PIK3C2G: variants seen among roughly 807,000 people sequenced by gnomAD.
PIK3C2G encodes phosphatidylinositol-4-phosphate 3-kinase catalytic subunit type 2 gamma.
A neutral mutation model predicts 181.1 loss-of-function variants in PIK3C2G; 168 were observed. The observed-to-expected ratio is 0.93, with a 90% CI of 0.82 to 1.05. PIK3C2G has a LOEUF of 1.05. PIK3C2G is among the 50% of genes least tolerant of loss of function. PIK3C2G has a pLI of 0.00. For synonymous variants in PIK3C2G, 573 were observed against 592.2 expected (o/e 0.97, Z 0.47); for missense variants, 1,869 against 1,732.8 (o/e 1.08, Z -1.40).
At chr12:18,327,301 T>A (rs1043568791) in intron 8 of PIK3C2G, among the ~76,000 whole-genome samples, 2 of 152,128 alleles carry the variant, frequency 1.3e-5, no homozygotes, top group Admixed American at 1.3e-4. Context: ...CGCTTTCTAT[T>A]CATTTGACAA....
chr12:18,497,725 G>A lies in PIK3C2G; in HGVS notation c.2993G>A (p.Cys998Tyr), dbSNP rs1941130500. 1 of 1,612,212 alleles carries A rather than the reference G, an allele frequency of 6.2e-7. No homozygotes were observed. Among genetic ancestry groups the A allele is most frequent in the Admixed American group, 1.7e-5 (1 of 59,900 alleles). The change falls in exon 22 of 33, where the codon TGT (cysteine) becomes TAT (tyrosine). Residue 998 changes from cysteine (C) to tyrosine (Y), a missense_variant. Cys to Tyr is a radical substitution (Grantham distance 194). Coordinates refer to ENST00000538779, the MANE Select transcript of PIK3C2G (RefSeq NM_001288772.2). ...GLDMQMIIYR[C>Y]LSTGKDQGLV... is the part of the protein sequence containing the mutation. The stretch of plus-strand genomic sequence containing the variant: ...GATATGCAAATGATCATTTATAGAT[G>A]TCTATCCACAGGAAAAGACCAAGGT...
At chr12:18,390,286 A>G (rs1565667853) in intron 14 of PIK3C2G, among the ~76,000 whole-genome samples, 1 of 152,120 alleles carries the variant, frequency 6.6e-6, no homozygotes, top group Non-Finnish European at 1.5e-5. Flanking sequence ...ATTTTTTCTG[A>G]GATTCCAACC....
At chr12:18,576,979 C>T (rs962306231) in intron 29 of PIK3C2G, among the ~76,000 whole-genome samples, 1 of 152,098 alleles carries the variant, frequency 6.6e-6, no homozygotes, top group Non-Finnish European at 1.5e-5. Flanking sequence ...GGAGACAATA[C>T]CTGTGCAACA....
At chr12:18,523,911 G>A (rs1235441805) in intron 24 of PIK3C2G, among the ~76,000 whole-genome samples, 1 of 152,212 alleles carries the variant, frequency 6.6e-6, no homozygotes, top group Non-Finnish European at 1.5e-5. Context: ...CATCTGGGCT[G>A]TGTGGGGAAG....
intron 18 of PIK3C2G, among the ~76,000 whole-genome samples, chr12:18,441,773 A>C (rs1007397632): frequency 2.6e-5 from 4 of 152,178 alleles, no homozygotes; most frequent in Non-Finnish European, 5.9e-5. Context: ...ACAAACCAGC[A>C]AAGCAGATGA....
At position 18,571,691 on chromosome 12, in the gene PIK3C2G, G is replaced by T. The variant is rs1318214200; in HGVS notation, c.4011+4634G>T. ...GCCAGCTTTATTTTGGCTAGTGTCT[G>T]CATGATACAACTTTTTCCATTGCTT... is the stretch of plus-strand genomic sequence containing the variant. On this transcript the variant is annotated intron_variant, in intron 29 of 32. Transcript: ENST00000538779. Among the ~76,000 whole-genome samples, 49 of 150,708 alleles carry T rather than the reference G, an allele frequency of 3.3e-4. 2 individuals carry two copies. The highest frequency in any genetic ancestry group is 7.4e-5 in the African/African-American group (3 of 40,350).
At chr12:18,353,672 G>A (rs1940443014) in intron 11 of PIK3C2G, among the ~76,000 whole-genome samples, 1 of 152,138 alleles carries the variant, frequency 6.6e-6, no homozygotes. Context: ...CTCTAAAGTA[G>A]TATCTGTTCC....
At chr12:18,647,080 A>AT (rs34732760) in intron 32 of PIK3C2G, among the ~76,000 whole-genome samples, 17,732 of 151,110 alleles carry the variant, frequency 0.12, 1,334 homozygotes, top group African/African-American at 0.21. Context: ...CCTTTTTGGT[A>AT]TTTTTTTTTG....
At chr12:18,284,793 A>C (rs1156276374) in intron 2 of PIK3C2G, among the ~76,000 whole-genome samples, 1 of 152,150 alleles carries the variant, frequency 6.6e-6, no homozygotes, top group Non-Finnish European at 1.5e-5. Flanking sequence ...AAAAAATAAT[A>C]ATTTGAAAGC....
rs184796297 is a variant in PIK3C2G at position 18,547,316 on chromosome 12, G to A, written c.3590+884G>A. 2.4e-3 allele frequency among the ~76,000 whole-genome samples: 361 copies of A among 152,040 alleles called. 1 individual carries two copies. The highest frequency in any genetic ancestry group is 8.0e-3 in the African/African-American group (331 of 41,508). On this transcript the variant is annotated intron_variant, in intron 26 of 32. Coordinates refer to ENST00000538779, the MANE Select transcript of PIK3C2G (RefSeq NM_001288772.2). ...CTTCCCACTCCAATGGTGGCAGTGC[G>A]GCTTCATGGGGATGTCGTACACACT... is the stretch of plus-strand genomic sequence containing the variant.
At chr12:18,269,666 T>A (rs1286970744) in intron 1 of PIK3C2G, among the ~76,000 whole-genome samples, 1 of 152,210 alleles carries the variant, frequency 6.6e-6, no homozygotes, top group Admixed American at 6.5e-5. Context: ...ACAAGGGTAA[T>A]CTTTTGCATG....
intron 1 of PIK3C2G, among the ~76,000 whole-genome samples, chr12:18,250,811 TA>T (rs1948088578): frequency 6.6e-6 from 1 of 152,050 alleles, no homozygotes; most frequent in Admixed American, 6.5e-5. Context: ...ACTTCTGCTT[TA>T]ACATTTAATA....
At chr12:18,503,460 AG>A in intron 23 of PIK3C2G, 43 bp downstream of exon 23, 2 of 1,409,134 alleles carry the variant, frequency 1.4e-6, no homozygotes, top group Non-Finnish European at 9.6e-7. Flanking sequence ...TACTTAAATA[AG>A]AATATGCTCT....
chr12:18,517,914 C>G (rs1316923512), intron 24 of PIK3C2G, among the ~76,000 whole-genome samples: 2 of 152,082 alleles, frequency 1.3e-5, no homozygotes, highest in African/African-American at 4.8e-5. Context: ...CCATCAATAC[C>G]AAGTTTACTG....
the PIK3C2G span, among the ~76,000 whole-genome samples, chr12:18,694,720 G>A: frequency 2.6e-5 from 4 of 152,106 alleles, no homozygotes; most frequent in Non-Finnish European, 5.9e-5. Flanking sequence ...AATCATTCAT[G>A]TAAAATTACA....
intron 30 of PIK3C2G, among the ~76,000 whole-genome samples, chr12:18,605,317 C>A (rs897039424): frequency 6.6e-6 from 1 of 152,004 alleles, no homozygotes; most frequent in African/African-American, 2.4e-5. Flanking sequence ...AAAATACAAC[C>A]CTTGTAGCTT....
intron 24 of PIK3C2G, among the ~76,000 whole-genome samples, chr12:18,508,182 A>G (rs1484562964): frequency 6.6e-6 from 1 of 152,152 alleles, no homozygotes; most frequent in East Asian, 1.9e-4. Context: ...CATGAGCCAT[A>G]TGGATTATTG....
chr12:18,469,040 C>A (rs1012538166), intron 18 of PIK3C2G, among the ~76,000 whole-genome samples: 1 of 152,100 alleles, frequency 6.6e-6, no homozygotes, highest in Admixed American at 6.6e-5. Context: ...ATCTTTGCAG[C>A]AAAAGGGTCT....
At chr12:18,330,407 A>C (rs375447512) in intron 8 of PIK3C2G, among the ~76,000 whole-genome samples, 2 of 152,158 alleles carry the variant, frequency 1.3e-5, no homozygotes, top group Non-Finnish European at 2.9e-5. Context: ...ATGGAATCTC[A>C]TATACAATAT....
Sources: allele counts gnomAD v4.1 joint callset (sites outside exome capture counted in the v4.1 genomes callset), GRCh38; gene constraint gnomAD v4.1.1; transcripts MANE v1.5; gene names NCBI Gene and HGNC (gene_info 2026-07-23, HGNC 2026-07-21).